Variants in CACNA1C observed in about 807,000 individuals in gnomAD.
CACNA1C encodes calcium voltage-gated channel subunit alpha1 C.
A neutral mutation model predicts 229.0 loss-of-function variants in CACNA1C; 30 were observed. That is an observed-to-expected ratio of 0.13 (90% CI 0.10 to 0.18). The LOEUF (loss-of-function observed/expected upper bound fraction) is 0.18, where lower values mean the gene tolerates loss of function less well. Among genes scored for constraint, CACNA1C ranks in the 10% least tolerant of loss-of-function variants. The pLI is 1.00. For synonymous variants in CACNA1C, 1,114 were observed against 1,132.5 expected (o/e 0.98, Z 0.33); for missense variants, 1,658 against 2,845.0 (o/e 0.58, Z 9.49).
In CACNA1C at chr12:2,651,831, AGC is replaced by A; in HGVS notation, c.4074+64_4074+65del. 3 of 1,337,102 alleles carry A rather than the reference AGC, an allele frequency of 2.2e-6. No individual in the cohort carries two copies. Among genetic ancestry groups the A allele is most frequent in the Admixed American group, 2.1e-5 (1 of 46,770 alleles). The allele number at this position is 1,337,102 out of a possible 1,614,324, so 82.8% of individuals were successfully genotyped here. A position where few individuals can be genotyped will look rare whatever the true frequency, so the allele number is the denominator to read the frequency against. ...AGGGCTGCCGCGTGGCCCAGAACAC[AGC>A]TGACACAAGGAGGAGCCCTCCACTC... On this transcript the variant is annotated intron_variant, in intron 32 of 46. Coordinates refer to ENST00000399655, the MANE Select transcript of CACNA1C (RefSeq NM_000719.7). The surrounding 1 kb of genome is among the most constrained non-coding windows in gnomAD (Gnocchi z 5.4).
At chr12:2,397,102 A>AT (rs1281351225) in intron 3 of CACNA1C, among the ~76,000 whole-genome samples, 4 of 152,240 alleles carry the variant, frequency 2.6e-5, no homozygotes, top group Non-Finnish European at 5.9e-5. Flanking sequence ...TATGTACAAC[A>AT]TTGTGCTTAG....
rs539869941 is a variant in CACNA1C at position 2,649,818 on chromosome 12, C to T, written c.3945+1311C>T. ...TCTTTTTTTTCTCCTTTCTCGAACA[C>T]GGTGGAACTGACAGCTGAGTTATAA... On this transcript the variant is annotated intron_variant, in intron 31 of 46. Coordinates refer to ENST00000399655, the MANE Select transcript of CACNA1C (RefSeq NM_000719.7). This position sits in a 1 kb window ranked among gnomAD's most constrained non-coding sequence, Gnocchi z 4.4. 7.9e-5 allele frequency among the ~76,000 whole-genome samples: 12 copies of T among 152,068 alleles called. No homozygotes were observed. The highest frequency in any genetic ancestry group is 5.8e-4 in the East Asian group (3 of 5,164).
In CACNA1C at chr12:1,971,530, C is replaced by T. The variant is rs2032261272; in HGVS notation, c.139+329C>T. Among the ~76,000 whole-genome samples the T allele has an allele frequency of 6.6e-6, 1 of 152,178 alleles. No homozygotes were observed. The highest frequency in any genetic ancestry group is 2.4e-5 in the African/African-American group (1 of 41,434). ...GAGATCAAAATTTCCATATAGACTT[C>T]ATGTCTGGATTTTTTAGGTCCACAA... On this transcript the variant is annotated intron_variant, in intron 1 of 46. Coordinates refer to the CACNA1C transcript ENST00000682462. This position sits in a 1 kb window ranked among gnomAD's most constrained non-coding sequence, Gnocchi z 4.2.
rs896445177 is a variant in CACNA1C, at chr12:2,215,957, C to G, written c.477+95527C>G. Among the ~76,000 whole-genome samples, 3 of 152,170 alleles carry G rather than the reference C, an allele frequency of 2.0e-5. No individual in the cohort carries two copies. The highest frequency in any genetic ancestry group is 4.8e-5 in the African/African-American group (2 of 41,430). The stretch of plus-strand genomic sequence containing the variant: ...CATCCTGTTCTCGAAGTCACCATGC[C>G]GCCCATCAGTTGACATGCTCTGTTG... On this transcript the variant is annotated intron_variant, in intron 3 of 46. Coordinates refer to ENST00000399655, the MANE Select transcript of CACNA1C (RefSeq NM_000719.7). This position sits in a 1 kb window ranked among gnomAD's most constrained non-coding sequence, Gnocchi z 5.0.
In CACNA1C at chr12:2,115,227, C is replaced by T. The variant is rs1216229121; in HGVS notation, c.53C>T (p.Ser18Phe). The change falls in exon 2 of 47, where the codon TCC becomes TTC. Residue 18 changes from serine to phenylalanine, a missense_variant. By Grantham distance (155) the Ser-to-Phe change is radical (BLOSUM62 -2). This residue lies in a region of CACNA1C where 111 missense variants were observed against 128.0 expected (regional missense o/e 0.87). Coordinates refer to ENST00000399655, the MANE Select transcript of CACNA1C (RefSeq NM_000719.7). ...GTTCTTTTCTCTTTTGCCACAGGTT[C>T]CAACTATGGGAGCCCACGCCCCGCC... is the stretch of plus-strand genomic sequence containing the variant. ...MYIPEENHQG[S>F]NYGSPRPAHA... 5.1e-6 allele frequency: 8 copies of T among 1,558,604 alleles called. No individual in the cohort carries two copies. Among genetic ancestry groups the T allele is most frequent in the South Asian group, 4.9e-5 (4 of 82,326 alleles).
At chr12:2,256,090 C>CGA (rs142296568) in intron 3 of CACNA1C, among the ~76,000 whole-genome samples, 10 of 34,892 alleles carry the variant, frequency 2.9e-4, no homozygotes, top group South Asian at 8.9e-4. Flanking sequence ...TACAATCACA[C>CGA]CTCCTGTTTC....
At chr12:2,247,198 G>T (rs559297168) in intron 3 of CACNA1C, among the ~76,000 whole-genome samples, 2 of 152,236 alleles carry the variant, frequency 1.3e-5, no homozygotes, top group South Asian at 4.2e-4. Context: ...GGGCAGCGGG[G>T]ATGGCCTGTT....
rs578247621 is a variant in CACNA1C, at chr12:2,569,367, T to C, written c.1895+1573T>C. ...CTTACAATGTGTAACTTAATTGTTT[T>C]TTTATATTCATGGTTATGCAACCAT... is the stretch of plus-strand genomic sequence containing the variant. On this transcript the variant is annotated intron_variant, in intron 13 of 46. Transcript: ENST00000399655. Among the ~76,000 whole-genome samples the C allele has an allele frequency of 2.6e-5, 4 of 152,354 alleles. No homozygotes were observed. The South Asian group carries it at 8.3e-4, about 32-fold the overall frequency.
rs1217431807 is a variant in CACNA1C at position 2,354,178 on chromosome 12, G to T, written c.478-94798G>T. Among the ~76,000 whole-genome samples the T allele has an allele frequency of 6.6e-6, 1 of 152,180 alleles. No individual in the cohort carries two copies. Among genetic ancestry groups the T allele is most frequent in the Non-Finnish European group, 1.5e-5 (1 of 68,016 alleles). On this transcript the variant is annotated intron_variant, in intron 3 of 46. Coordinates refer to ENST00000399655, the MANE Select transcript of CACNA1C (RefSeq NM_000719.7). The surrounding 1 kb of genome is among the most constrained non-coding windows in gnomAD (Gnocchi z 4.6). ...TGTTTTTCCAGAACCCCTTAACCCA[G>T]TGGAAGCCCCGCCTTTCATGTGGGC... is the stretch of plus-strand genomic sequence containing the variant.
rs1472950604 is a variant in CACNA1C, at chr12:2,651,955, A to G, written c.4074+187A>G. Among the ~76,000 whole-genome samples the G allele has an allele frequency of 2.0e-5, 3 of 151,908 alleles. No individual in the cohort carries two copies. The highest frequency in any genetic ancestry group is 4.4e-5 in the Non-Finnish European group (3 of 67,980). ...GGCCTAGACGAAGCATGTGGTTTCC[A>G]AGGCAGGCTCAGAGCCCCAGAAGGC... On this transcript the variant is annotated intron_variant, in intron 32 of 46. Transcript: ENST00000399655. The surrounding 1 kb of genome is among the most constrained non-coding windows in gnomAD (Gnocchi z 5.4).
At position 2,090,868 on chromosome 12, in the gene CACNA1C, C is replaced by T. The variant is rs148331786; in HGVS notation, c.50-24356C>T. ...TTACTTTCCCGCCAACAGTGCTTAA[C>T]GTTCTTATTCCTCCACATCCTCGCT... On this transcript the variant is annotated intron_variant, in intron 1 of 46. Transcript: ENST00000399655. Among the ~76,000 whole-genome samples the T allele has an allele frequency of 1.3e-3, 200 of 152,282 alleles. 4 individuals carry two copies. The highest frequency in any genetic ancestry group is 4.2e-3 in the African/African-American group (175 of 41,550).
chr12:2,006,268 A>T (rs1026163652), intron 1 of CACNA1C, among the ~76,000 whole-genome samples: 1 of 151,874 alleles, frequency 6.6e-6, no homozygotes, highest in Admixed American at 6.6e-5. Context: ...ATTAGCCAGG[A>T]GTGGTGGCAG....
chr12:2,256,112 A>G (rs567005907), intron 3 of CACNA1C, among the ~76,000 whole-genome samples: 5 of 96,316 alleles, frequency 5.2e-5, no homozygotes, highest in African/African-American at 1.5e-4. Flanking sequence ...TGCCACTTGC[A>G]CACAACTCAG....
rs566690005 is a variant in CACNA1C, at chr12:2,484,755, A to G, written c.758-1349A>G. 4.3e-5 allele frequency among the ~76,000 whole-genome samples: 6 copies of G among 140,870 alleles called. No homozygotes were observed. In the South Asian group the frequency reaches 1.4e-3, roughly 33 times the overall value. 92.4% of individuals were successfully genotyped at this position (140,870 alleles called of 152,430 possible). ...AAGCCGCTTTGCAGTTCAGTTTTCA[A>G]CTTTCTTCGCGGCTCTGCATACTCC... is the stretch of plus-strand genomic sequence containing the variant. On this transcript the variant is annotated intron_variant, in intron 5 of 46. Coordinates refer to ENST00000399655, the MANE Select transcript of CACNA1C (RefSeq NM_000719.7).
intron 22 of CACNA1C, among the ~76,000 whole-genome samples, chr12:2,603,145 A>G (rs1292857201): frequency 2.0e-5 from 3 of 152,184 alleles, no homozygotes; most frequent in African/African-American, 4.8e-5. Flanking sequence ...CTACAAGTCC[A>G]GATTTGAATC....
At chr12:2,612,732 G>A (rs966653064) in intron 29 of CACNA1C, 10 of 152,268 alleles carry the variant, frequency 6.6e-5, no homozygotes, top group African/African-American at 2.4e-4. Flanking sequence ...TGTCCTCAGT[G>A]GTGGAGGAGC....
At chr12:2,222,158 TA>T (rs1307673582) in intron 3 of CACNA1C, 1 of 152,322 alleles carries the variant, frequency 6.6e-6, no homozygotes, top group Non-Finnish European at 1.5e-5. Flanking sequence ...AATAAAAACT[TA>T]AAAAAAGCCC....
At chr12:2,036,500 T>C (rs1167138534) in intron 1 of CACNA1C, among the ~76,000 whole-genome samples, 1 of 151,678 alleles carries the variant, frequency 6.6e-6, no homozygotes, top group African/African-American at 2.4e-5. Context: ...TGAGACAGAG[T>C]CTTGCTTTGT....
intron 18 of CACNA1C, among the ~76,000 whole-genome samples, chr12:2,590,364 C>T (rs1369778059): frequency 6.6e-6 from 1 of 152,164 alleles, no homozygotes; most frequent in Non-Finnish European, 1.5e-5. Context: ...TTTTCCAAAC[C>T]TCCAAGAACA....
Sources: gnomAD v4.1 joint callset for allele counts (sites outside exome capture counted in the v4.1 genomes callset) on GRCh38, gnomAD v4.1.1 for gene constraint, gnomAD v4.1.1 regional missense constraint, Gnocchi (gnomAD v3.1) non-coding constraint, MANE v1.5 for transcripts, NCBI Gene and HGNC (gene_info 2026-07-23, HGNC 2026-07-21) for gene names.